Variants in CAMK1D observed in about 807,000 individuals in gnomAD.
The protein encoded by CAMK1D is calcium/calmodulin dependent protein kinase ID, also known as calcium/calmodulin-dependent protein kinase type 1D.
A neutral mutation model predicts 47.7 loss-of-function variants in CAMK1D; 9 were observed. The observed-to-expected ratio is 0.19, with a 90% CI of 0.11 to 0.33. The LOEUF (loss-of-function observed/expected upper bound fraction) is 0.33. Among genes scored for constraint, CAMK1D ranks in the 10% least tolerant of loss-of-function variants. The pLI, the probability that CAMK1D is intolerant of heterozygous loss-of-function variation, is 1.00. For missense variants in CAMK1D, 291 were observed against 488.7 expected (o/e 0.60, Z 3.81); for synonymous variants, 184 against 184.9 (o/e 0.99, Z 0.04).
At chr10:12,804,915 A>T (rs1838650651) in intron 6 of CAMK1D, among the ~76,000 whole-genome samples, 2 of 126,136 alleles carry the variant, frequency 1.6e-5, no homozygotes, top group South Asian at 2.9e-4. Flanking sequence ...TCCAACCTGG[A>T]TGATAAAGCT....
At chr10:12,663,357 T>C (rs539831390) in intron 2 of CAMK1D, among the ~76,000 whole-genome samples, 1 of 152,176 alleles carries the variant, frequency 6.6e-6, no homozygotes, top group East Asian at 1.9e-4. Context: ...AAATGAGTGA[T>C]GATAGAGCAA....
chr10:12,617,043 T>G (rs1838846225), intron 2 of CAMK1D, among the ~76,000 whole-genome samples: 2 of 152,192 alleles, frequency 1.3e-5, no homozygotes, highest in African/African-American at 2.4e-5. Context: ...ATAAGGCATG[T>G]TCTAATCAAC....
chr10:12,629,373 A>C (rs1839313673), intron 2 of CAMK1D, among the ~76,000 whole-genome samples: 1 of 152,224 alleles, frequency 6.6e-6, no homozygotes, highest in Admixed American at 6.5e-5. Flanking sequence ...AAAACGTTTC[A>C]TGCCAAGGTG....
At chr10:12,391,649 C>T (rs919593085) in intron 1 of CAMK1D, among the ~76,000 whole-genome samples, 6 of 152,094 alleles carry the variant, frequency 3.9e-5, no homozygotes, top group East Asian at 1.9e-4. Flanking sequence ...ACACCCTAGT[C>T]GGTTAAATTT....
At chr10:12,766,036 ACT>A (rs1439656229) in intron 4 of CAMK1D, among the ~76,000 whole-genome samples, 2 of 142,640 alleles carry the variant, frequency 1.4e-5, no homozygotes, top group Non-Finnish European at 3.0e-5. Flanking sequence ...CGCAATCTCA[ACT>A]CTCTGCAACC....
At chr10:12,561,521 A>G (rs1836943446) in intron 2 of CAMK1D, among the ~76,000 whole-genome samples, 1 of 151,820 alleles carries the variant, frequency 6.6e-6, no homozygotes, top group Non-Finnish European at 1.5e-5. Flanking sequence ...TTTTTGCTGC[A>G]TACCTACACT....
In CAMK1D at chr10:12,828,894, C is replaced by T; in HGVS notation, c.*7C>T. Reference sequence around the variant, plus strand: ...GCACTCTGGAAGCAAGTGACTGGCCCTGGAGGTGGGGCCCGGGGTCGGGGC... The same window carrying T: ...GCACTCTGGAAGCAAGTGACTGGCCTTGGAGGTGGGGCCCGGGGTCGGGGC... On this transcript the variant is annotated 3_prime_UTR_variant, in exon 11 of 11. Coordinates refer to ENST00000619168, the MANE Select transcript of CAMK1D (RefSeq NM_153498.4). The T allele has an allele frequency of 6.2e-7, 1 of 1,602,240 alleles. No individual in the cohort carries two copies. The highest frequency in any genetic ancestry group is 8.5e-7 in the Non-Finnish European group (1 of 1,174,590).
At chr10:12,808,302 C>G (rs1216679231) in intron 6 of CAMK1D, among the ~76,000 whole-genome samples, 1 of 152,240 alleles carries the variant, frequency 6.6e-6, no homozygotes, top group Non-Finnish European at 1.5e-5. Context: ...CTCACCCACT[C>G]TGAGCTCTTG....
chr10:12,528,865 C>A (rs968962209), intron 1 of CAMK1D, among the ~76,000 whole-genome samples: 1 of 152,002 alleles, frequency 6.6e-6, no homozygotes, highest in Non-Finnish European at 1.5e-5. Context: ...CTTCAGCCTC[C>A]TGAGTAGCTG....
At chr10:12,619,486 C>T (rs1838924268) in intron 2 of CAMK1D, among the ~76,000 whole-genome samples, 1 of 152,090 alleles carries the variant, frequency 6.6e-6, no homozygotes, top group African/African-American at 2.4e-5. Context: ...AAGGGTTTTA[C>T]TGTGTTGCCT....
At chr10:12,574,944 A>G (rs1006438802) in intron 2 of CAMK1D, among the ~76,000 whole-genome samples, 1 of 152,164 alleles carries the variant, frequency 6.6e-6, no homozygotes, top group Non-Finnish European at 1.5e-5. Context: ...CACCAGTGGC[A>G]TGGTGCAGAA....
chr10:12,521,576 T>A (rs570215960), intron 1 of CAMK1D, among the ~76,000 whole-genome samples: 1 of 152,324 alleles, frequency 6.6e-6, no homozygotes, highest in Non-Finnish European at 1.5e-5. Flanking sequence ...GTTCTGCCAT[T>A]AGTGAGTAGA....
At chr10:12,536,871 T>C (rs752277545) in intron 1 of CAMK1D, among the ~76,000 whole-genome samples, 3 of 152,230 alleles carry the variant, frequency 2.0e-5, no homozygotes, top group African/African-American at 4.8e-5. Flanking sequence ...TACAGAGTAT[T>C]CTGCTGAATG....
intron 3 of CAMK1D, among the ~76,000 whole-genome samples, chr10:12,703,019 C>T (rs1283566337): frequency 6.6e-6 from 1 of 152,092 alleles, no homozygotes; most frequent in Non-Finnish European, 1.5e-5. Flanking sequence ...AAAGGGATGC[C>T]CAGTGTTACA....
intron 3 of CAMK1D, among the ~76,000 whole-genome samples, chr10:12,705,927 G>A (rs934002886): frequency 3.9e-5 from 6 of 152,142 alleles, no homozygotes; most frequent in Admixed American, 1.3e-4. Context: ...CATCTTCATG[G>A]GATGTATTAT....
chr10:12,689,396 C>A (rs1411336433), intron 3 of CAMK1D, among the ~76,000 whole-genome samples: 1 of 152,224 alleles, frequency 6.6e-6, no homozygotes, highest in South Asian at 2.1e-4. Context: ...CTCTCTCACC[C>A]TCATCCCACA....
intron 1 of CAMK1D, among the ~76,000 whole-genome samples, chr10:12,519,787 CG>C (rs1211242188): frequency 2.7e-4 from 3 of 11,000 alleles, no homozygotes; most frequent in African/African-American, 1.0e-3. Context: ...GCTGGCCAGG[CG>C]GGGGGCTGAT....
chr10:12,553,316 A>G lies in CAMK1D; in HGVS notation c.184A>G (p.Lys62Glu). 6.2e-7 allele frequency: 1 copy of G among 1,614,136 alleles called. No homozygotes were observed. Among genetic ancestry groups the G allele is most frequent in the Non-Finnish European group, 8.5e-7 (1 of 1,179,990 alleles). ...TATCCCTAAGAAGGCGCTGAAGGGC[A>G]AGGAAAGCAGCATAGAGAATGAGAT... ...KCIPKKALKG[K>E]ESSIENEIAV... is the part of the protein sequence containing the mutation. Residue 62 changes from lysine to glutamate, a missense_variant, in exon 2 of 11, where the codon AAG becomes GAG. Transcript: ENST00000619168.
chr10:12,718,591 T>C (rs528699431), intron 3 of CAMK1D, among the ~76,000 whole-genome samples: 20 of 152,324 alleles, frequency 1.3e-4, no homozygotes, highest in African/African-American at 4.6e-4. Context: ...AAACTTGTAA[T>C]GTGAGCAGGT....
Sources: allele counts gnomAD v4.1 joint callset (sites outside exome capture counted in the v4.1 genomes callset), GRCh38; gene constraint gnomAD v4.1.1; transcripts MANE v1.5; gene names NCBI Gene and HGNC (gene_info 2026-07-23, HGNC 2026-07-21).